Variants in BNC2 observed in about 807,000 individuals in gnomAD.
The protein encoded by BNC2 is basonuclin zinc finger protein 2.
BNC2 carries 20 observed loss-of-function variants against 76.3 expected under a neutral mutation model. That is an observed-to-expected ratio of 0.26 (90% CI 0.18 to 0.38). The LOEUF is 0.38. Among genes scored for constraint, BNC2 ranks in the 10% least tolerant of loss-of-function variants. The probability of loss-of-function intolerance (pLI) is 1.00; values close to 1 mark genes in which losing one functional copy is unlikely to be tolerated. For synonymous variants in BNC2, 582 were observed against 514.8 expected (o/e 1.13, Z -1.77); for missense variants, 1,382 against 1,399.8 (o/e 0.99, Z 0.20).
At chr9:16,480,298 C>T (rs7868285) in intron 5 of BNC2, among the ~76,000 whole-genome samples, 40,130 of 152,152 alleles carry the variant, frequency 0.26, 7,843 homozygotes, top group African/African-American at 0.55. Flanking sequence ...CTGATGAAAA[C>T]CCAATCTGTT....
In BNC2 at chr9:16,651,953, T is replaced by C. The variant is rs182552257; in HGVS notation, c.331-68868A>G. Among the ~76,000 whole-genome samples, 1,186 of 152,352 alleles carry C rather than the reference T, an allele frequency of 7.8e-3. 16 individuals are homozygous for C. The highest frequency in any genetic ancestry group is 0.027 in the African/African-American group (1,108 of 41,588). ...TCCTGAGTGTTCAGATCTTAAACCA[T>C]TCCTAATCTATTCTATGCATTATTT... is the stretch of plus-strand genomic sequence containing the variant. On this transcript the variant is annotated intron_variant, in intron 3 of 6. Transcript: ENST00000380672.
chr9:16,534,236 A>G (rs1039560861), intron 5 of BNC2, among the ~76,000 whole-genome samples: 1 of 152,138 alleles, frequency 6.6e-6, no homozygotes, highest in Non-Finnish European at 1.5e-5. Flanking sequence ...CCTCGATCTA[A>G]CATTGTGGAA....
chr9:16,640,090 C>T (rs913989751), intron 3 of BNC2, among the ~76,000 whole-genome samples: 4 of 148,054 alleles, frequency 2.7e-5, no homozygotes, highest in African/African-American at 1.0e-4. Context: ...ATCTCTTCTT[C>T]ACAAAAAAAA....
intron 5 of BNC2, among the ~76,000 whole-genome samples, chr9:16,453,531 AT>A: frequency 6.6e-6 from 1 of 152,198 alleles, no homozygotes; most frequent in East Asian, 1.9e-4. Context: ...TAACTGGATT[AT>A]TTTGATAGGT....
intron 5 of BNC2, among the ~76,000 whole-genome samples, chr9:16,486,796 G>A (rs1386133591): frequency 6.6e-6 from 1 of 152,050 alleles, no homozygotes; most frequent in Non-Finnish European, 1.5e-5. Flanking sequence ...TGGGATCACA[G>A]CTGACTGTAA....
chr9:16,673,037 G>T (rs918742011), intron 3 of BNC2, among the ~76,000 whole-genome samples: 2 of 152,040 alleles, frequency 1.3e-5, no homozygotes, highest in African/African-American at 4.8e-5. Flanking sequence ...GTTTAGTTTT[G>T]GGGGGGTTTT....
intron 1 of BNC2, among the ~76,000 whole-genome samples, chr9:16,803,337 A>G (rs1016243643): frequency 1.3e-5 from 2 of 152,322 alleles, no homozygotes; most frequent in East Asian, 1.9e-4. Context: ...GCTATATTTC[A>G]CCTAACAGCT....
intron 3 of BNC2, among the ~76,000 whole-genome samples, chr9:16,679,709 T>C (rs890446195): frequency 1.3e-5 from 2 of 152,214 alleles, no homozygotes; most frequent in Non-Finnish European, 2.9e-5. Context: ...AGCACCTCTC[T>C]GCCTCCCAGA....
intron 2 of BNC2, among the ~76,000 whole-genome samples, 176 bp downstream of exon 2, chr9:16,738,184 A>G: frequency 6.6e-6 from 1 of 152,198 alleles, no homozygotes; most frequent in East Asian, 1.9e-4. Flanking sequence ...TTATTTCTTC[A>G]GAGGCAAGAA....
At chr9:16,546,480 T>C (rs10738436) in intron 5 of BNC2, among the ~76,000 whole-genome samples, 70,821 of 152,002 alleles carry the variant, frequency 0.47, 16,795 homozygotes, top group South Asian at 0.53. Flanking sequence ...AAAACCTTTG[T>C]TTTTATGCTC....
chr9:16,845,731 A>G (rs1006265891), intron 1 of BNC2, among the ~76,000 whole-genome samples: 1 of 152,138 alleles, frequency 6.6e-6, no homozygotes, highest in Non-Finnish European at 1.5e-5. Context: ...AAAATAAAAT[A>G]AAAATAAAAT....
intron 3 of BNC2, among the ~76,000 whole-genome samples, chr9:16,704,182 T>C (rs1027762094): frequency 1.3e-5 from 2 of 152,208 alleles, no homozygotes; most frequent in African/African-American, 4.8e-5. Flanking sequence ...TAATCTGTTA[T>C]AAATTAACTT....
intron 3 of BNC2, among the ~76,000 whole-genome samples, chr9:16,691,866 A>T (rs1470008270): frequency 2.1e-5 from 3 of 143,008 alleles, no homozygotes; most frequent in Non-Finnish European, 4.5e-5. Flanking sequence ...GCTGGAGTGC[A>T]GTGGCGCAAT....
chr9:16,787,172 A>G (rs1410537198), intron 1 of BNC2, among the ~76,000 whole-genome samples: 2 of 152,166 alleles, frequency 1.3e-5, no homozygotes, highest in African/African-American at 4.8e-5. Flanking sequence ...ACTGACAAGC[A>G]ACCAAGACAA....
At chr9:16,677,721 G>T (rs910001085) in intron 3 of BNC2, among the ~76,000 whole-genome samples, 6 of 152,050 alleles carry the variant, frequency 3.9e-5, no homozygotes, top group African/African-American at 1.4e-4. Context: ...AGTTAAGAAG[G>T]GAGAGGGTAA....
intron 4 of BNC2, among the ~76,000 whole-genome samples, chr9:16,567,887 C>A (rs1819212638): frequency 6.6e-6 from 1 of 152,116 alleles, no homozygotes; most frequent in South Asian, 2.1e-4. Flanking sequence ...TTTTTCAAAA[C>A]CACTTACTTT....
intron 5 of BNC2, among the ~76,000 whole-genome samples, chr9:16,507,250 CTT>C (rs36072200): frequency 3.0e-4 from 25 of 83,182 alleles, no homozygotes; most frequent in African/African-American, 1.1e-3. Flanking sequence ...TGTCCATTTG[CTT>C]TTTTTTTTTT....
At chr9:16,572,580 C>A (rs984482562) in intron 4 of BNC2, among the ~76,000 whole-genome samples, 1 of 152,092 alleles carries the variant, frequency 6.6e-6, no homozygotes, top group Non-Finnish European at 1.5e-5. Flanking sequence ...ATCAGTATTA[C>A]CCAGAAACCT....
intron 3 of BNC2, among the ~76,000 whole-genome samples, chr9:16,675,859 G>A: frequency 6.6e-6 from 1 of 152,056 alleles, no homozygotes; most frequent in East Asian, 1.9e-4. Context: ...GACCAGCCTG[G>A]CCAACATGGT....
Sources: gnomAD v4.1 joint callset for allele counts (sites outside exome capture counted in the v4.1 genomes callset) on GRCh38, gnomAD v4.1.1 for gene constraint, MANE v1.5 for transcripts, NCBI Gene and HGNC (gene_info 2026-07-23, HGNC 2026-07-21) for gene names.